The following PCDH15 variants were observed in gnomAD, a reference collection of about 807,000 sequenced individuals.
The protein encoded by PCDH15 is protocadherin-15.
In PCDH15, 129 loss-of-function variants were observed where a neutral mutation model predicts 178.5. The observed-to-expected ratio is 0.72, with a 90% CI of 0.63 to 0.84. The LOEUF (loss-of-function observed/expected upper bound fraction) is 0.84, where lower values mean the gene tolerates loss of function less well. PCDH15 is among the 40% of genes least tolerant of loss of function. The pLI is 0.00. For synonymous variants in PCDH15, 800 were observed against 732.0 expected (o/e 1.09, Z -1.50); for missense variants, 2,230 against 2,099.9 (o/e 1.06, Z -1.21).
intron 2 of PCDH15, among the ~76,000 whole-genome samples, chr10:54,528,087 A>G (rs1000431687): frequency 2.0e-5 from 3 of 152,082 alleles, no homozygotes; most frequent in African/African-American, 7.2e-5. Context: ...TGTGCATCAC[A>G]AAACTACTCA....
intron 3 of PCDH15, among the ~76,000 whole-genome samples, chr10:54,518,403 C>A (rs573230562): frequency 6.6e-6 from 1 of 152,198 alleles, no homozygotes; most frequent in East Asian, 1.9e-4. Flanking sequence ...CACAGAAATA[C>A]AAACTACCAT....
intron 3 of PCDH15, among the ~76,000 whole-genome samples, chr10:54,436,127 GAA>G (rs944489517): frequency 2.0e-5 from 3 of 147,340 alleles, no homozygotes; most frequent in Admixed American, 1.3e-4. Context: ...AGGAAAGAAA[GAA>G]AGAAAAAGAA....
chr10:54,564,656 G>C (rs1174105734), intron 2 of PCDH15, among the ~76,000 whole-genome samples: 1 of 152,094 alleles, frequency 6.6e-6, no homozygotes. Flanking sequence ...TTGTTTTTTA[G>C]TGAGAAAGCA....
chr10:55,058,677 C>T (rs1006389566), intron 2 of PCDH15, among the ~76,000 whole-genome samples: 15 of 152,002 alleles, frequency 9.9e-5, no homozygotes, highest in Admixed American at 9.2e-4. Flanking sequence ...ATTTCAAATT[C>T]GTACTAATGT....
At chr10:55,071,712 C>A (rs150373018) in intron 2 of PCDH15, among the ~76,000 whole-genome samples, 10,240 of 152,056 alleles carry the variant, frequency 0.067, 460 homozygotes, top group African/African-American at 0.11. Flanking sequence ...AACAAGGATA[C>A]CCAGGAATTG....
intron 2 of PCDH15, among the ~76,000 whole-genome samples, chr10:55,594,412 A>G (rs1446631406): frequency 1.3e-5 from 2 of 152,048 alleles, no homozygotes; most frequent in Non-Finnish European, 2.9e-5. Context: ...AAAGTAAAAT[A>G]TAATTAAAAC....
At chr10:54,710,555 C>T (rs1309039945) in intron 1 of PCDH15, among the ~76,000 whole-genome samples, 1 of 151,878 alleles carries the variant, frequency 6.6e-6, no homozygotes, top group Non-Finnish European at 1.5e-5. Flanking sequence ...CTATAATGAC[C>T]ACAGTCTAGA....
intron 2 of PCDH15, among the ~76,000 whole-genome samples, chr10:54,637,113 A>G (rs1428568826): frequency 2.0e-5 from 3 of 149,794 alleles, no homozygotes; most frequent in East Asian, 3.9e-4. Context: ...GACTCAACTA[A>G]GAATCAATCT....
intron 5 of PCDH15, among the ~76,000 whole-genome samples, chr10:54,362,397 C>T (rs1211934854): frequency 6.6e-6 from 1 of 151,822 alleles, no homozygotes; most frequent in Non-Finnish European, 1.5e-5. Flanking sequence ...ACCTGGTAAG[C>T]AGGACATAAT....
chr10:54,025,129 G>A (rs2093043744), intron 18 of PCDH15, among the ~76,000 whole-genome samples: 1 of 152,158 alleles, frequency 6.6e-6, no homozygotes, highest in African/African-American at 2.4e-5. Context: ...TGATGTGGCT[G>A]TGTGTCCGTG....
At chr10:54,676,220 A>G (rs1469424173) in intron 1 of PCDH15, among the ~76,000 whole-genome samples, 1 of 152,020 alleles carries the variant, frequency 6.6e-6, no homozygotes, top group Non-Finnish European at 1.5e-5. Context: ...ATTCTAATAT[A>G]CTTGGAAAAT....
chr10:54,147,474 A>G (rs1335490203), intron 14 of PCDH15, among the ~76,000 whole-genome samples: 3 of 151,904 alleles, frequency 2.0e-5, no homozygotes, highest in African/African-American at 7.2e-5. Flanking sequence ...ATCCAGGAAA[A>G]TCAATGATAT....
chr10:54,442,412 GGCTATATA>G (rs1565287349), intron 3 of PCDH15, among the ~76,000 whole-genome samples: 1 of 21,700 alleles, frequency 4.6e-5, no homozygotes, highest in South Asian at 1.6e-3. Flanking sequence ...AGGCCTTAAA[GGCTATATA>G]TATATATATA....
chr10:54,385,548 A>G (rs1949818594), intron 3 of PCDH15, among the ~76,000 whole-genome samples: 1 of 152,166 alleles, frequency 6.6e-6, no homozygotes, highest in Non-Finnish European at 1.5e-5. Context: ...TAGAAAAACA[A>G]ATAAGCTTAA....
At chr10:55,257,451 T>C (rs1170891411) in intron 1 of PCDH15, among the ~76,000 whole-genome samples, 1 of 151,934 alleles carries the variant, frequency 6.6e-6, no homozygotes, top group South Asian at 2.1e-4. Flanking sequence ...TTCGAACCCA[T>C]GGCAAAGAAG....
intron 2 of PCDH15, among the ~76,000 whole-genome samples, chr10:55,414,614 TAATA>T (rs1263530866): frequency 2.6e-5 from 4 of 151,678 alleles, no homozygotes; most frequent in Non-Finnish European, 4.4e-5. Context: ...TTAAATGTAT[TAATA>T]AATATTTTAT....
intron 8 of PCDH15, among the ~76,000 whole-genome samples, chr10:54,306,162 A>G (rs895689050): frequency 3.9e-5 from 6 of 151,952 alleles, no homozygotes; most frequent in African/African-American, 1.4e-4. Context: ...GTTTGATTAT[A>G]TATTTGCTTT....
chr10:54,239,110 C>T (rs2054952368), intron 8 of PCDH15, among the ~76,000 whole-genome samples: 1 of 152,078 alleles, frequency 6.6e-6, no homozygotes, highest in East Asian at 1.9e-4. Flanking sequence ...CTTAGCTTTT[C>T]GTTTGGAATG....
At position 53,822,548 on chromosome 10, in the gene PCDH15, G is replaced by A. The variant is rs760796538; in HGVS notation, c.4368-2318C>T. 56 of 1,613,592 alleles carry A rather than the reference G, an allele frequency of 3.5e-5. No individual in the cohort carries two copies. The highest frequency in any genetic ancestry group is 2.6e-4 in the South Asian group (24 of 91,066). ...CAAAATTTTCAAAAATATTTCTTTC[G>A]GTTTCAATAGGTAACATACAAATAG... On this transcript the variant is annotated intron_variant, in intron 32 of 37. Transcript: ENST00000644397.
Sources: allele counts gnomAD v4.1 joint callset (sites outside exome capture counted in the v4.1 genomes callset), GRCh38; gene constraint gnomAD v4.1.1; transcripts MANE v1.5; gene names NCBI Gene and HGNC (gene_info 2026-07-23, HGNC 2026-07-21).